The following NOX3 variants were observed in gnomAD, a reference collection of about 807,000 sequenced individuals.
The protein encoded by NOX3 is NADPH oxidase catalytic subunit-like 3.
In NOX3, 74 loss-of-function variants were observed where a neutral mutation model predicts 76.7. The ratio of observed to expected loss-of-function variants is 0.96; its 90% CI spans 0.80 to 1.17. The LOEUF is 1.17. Among genes scored for constraint, NOX3 ranks in the 50% most tolerant of loss-of-function variants. The probability of loss-of-function intolerance (pLI) is 0.00; values close to 1 mark genes in which losing one functional copy is unlikely to be tolerated. For missense variants in NOX3, 695 were observed against 703.3 expected (o/e 0.99, Z 0.13); for synonymous variants, 263 against 261.1 (o/e 1.01, Z -0.07).
intron 9 of NOX3, among the ~76,000 whole-genome samples, chr6:155,423,743 C>CT (rs528445827): frequency 0.022 from 2,973 of 137,468 alleles, 43 homozygotes; most frequent in Non-Finnish European, 0.027. Flanking sequence ...TTTTCTTTTT[C>CT]TTTTTTTTTT....
At chr6:155,419,418 C>T (rs1481133897) in intron 10 of NOX3, among the ~76,000 whole-genome samples, 1 of 152,152 alleles carries the variant, frequency 6.6e-6, no homozygotes, top group Non-Finnish European at 1.5e-5. Context: ...CAAATCATCT[C>T]CGCTCGAGGT....
At chr6:155,445,971 T>A (rs1416536589) in intron 4 of NOX3, among the ~76,000 whole-genome samples, 3 of 90,072 alleles carry the variant, frequency 3.3e-5, no homozygotes, top group Non-Finnish European at 6.3e-5. Context: ...ATATATATAA[T>A]ATATATATGC....
chr6:155,407,115 A>G lies in NOX3; in HGVS notation c.1580+15T>C, dbSNP rs1776474297. The G allele has an allele frequency of 6.2e-7, 1 of 1,613,588 alleles. No homozygotes were observed. The highest frequency in any genetic ancestry group is 8.5e-7 in the Non-Finnish European group (1 of 1,179,748). ...AGAAGAGCCTGGCAGGGAGAGGAGC[A>G]AGAGCTTGCCTTACCTGGGGTGATT... On this transcript the variant is annotated intron_variant, in intron 12 of 13. Transcript: ENST00000159060.
chr6:155,442,263 CA>C (rs529267466), intron 5 of NOX3, among the ~76,000 whole-genome samples: 5 of 150,512 alleles, frequency 3.3e-5, no homozygotes, highest in East Asian at 3.9e-4. Context: ...GACTCTGTCT[CA>C]AAAAAAATAA....
At chr6:155,400,965 G>A (rs948886223) in intron 12 of NOX3, among the ~76,000 whole-genome samples, 1 of 152,130 alleles carries the variant, frequency 6.6e-6, no homozygotes, top group African/African-American at 2.4e-5. Flanking sequence ...TGGTCAAATG[G>A]GGAAGAAAAA....
At position 155,413,621 on chromosome 6, in the gene NOX3, A is replaced by T. The variant is rs537667439; in HGVS notation, c.1309-2261T>A. Among the ~76,000 whole-genome samples the T allele has an allele frequency of 3.3e-5, 5 of 152,246 alleles. No individual in the cohort carries two copies. The East Asian group carries it at 7.7e-4, about 24-fold the overall frequency. ...TTTCGCTTTGTATTGTGCCTAATCT[A>T]AATTACTCTTTGAAAACCTTAGCTT... On this transcript the variant is annotated intron_variant, in intron 10 of 13. Coordinates refer to ENST00000159060, the MANE Select transcript of NOX3 (RefSeq NM_015718.3).
chr6:155,431,096 C>A (rs1032587812), intron 7 of NOX3, among the ~76,000 whole-genome samples, 161 bp from the exon 8 acceptor site: 5 of 152,112 alleles, frequency 3.3e-5, no homozygotes, highest in African/African-American at 1.2e-4. Context: ...GTATTATATA[C>A]TATAACATTC....
chr6:155,436,417 C>T lies in NOX3; in HGVS notation c.798+1G>A, dbSNP rs1776903864. Reference sequence around the variant, plus strand: ...TTAAAAGCTCCTGGGTTCATTCTTACCGAGGGTTCCTTGCCAGAAAATTGA... The same window carrying T: ...TTAAAAGCTCCTGGGTTCATTCTTATCGAGGGTTCCTTGCCAGAAAATTGA... On this transcript the variant is annotated splice_donor_variant, in intron 7 of 13. Transcript: ENST00000159060. LOFTEE classifies it high-confidence loss of function. The T allele has an allele frequency of 6.2e-7, 1 of 1,613,844 alleles. No homozygotes were observed. The highest frequency in any genetic ancestry group is 8.5e-7 in the Non-Finnish European group (1 of 1,179,928).
intron 11 of NOX3, among the ~76,000 whole-genome samples, chr6:155,408,983 G>A (rs1430277968): frequency 2.6e-5 from 4 of 152,204 alleles, no homozygotes; most frequent in African/African-American, 7.2e-5. Context: ...AGTGAGGGTT[G>A]ACAAAGAACC....
At chr6:155,455,615 T>C in intron 1 of NOX3, 138 bp downstream of exon 1, 1 of 600,770 alleles carries the variant, frequency 1.7e-6, no homozygotes, top group East Asian at 2.8e-5. Context: ...ATACATCTAC[T>C]GAATGTTTTC....
rs138459394 is a variant in NOX3 at position 155,427,805 on chromosome 6, G to A, written c.1145+989C>T. On this transcript the variant is annotated intron_variant, in intron 9 of 13. Coordinates refer to ENST00000159060, the MANE Select transcript of NOX3 (RefSeq NM_015718.3). ...CTGTATGAACAGTGGGAATTGACCC[G>A]AAGCCATTGTTTACTGAACAGAGCT... 6.8e-4 allele frequency among the ~76,000 whole-genome samples: 104 copies of A among 152,232 alleles called. 1 individual carries two copies. The highest frequency in any genetic ancestry group is 2.5e-3 in the African/African-American group (103 of 41,544).
intron 10 of NOX3, among the ~76,000 whole-genome samples, chr6:155,419,456 C>T (rs1044067312): frequency 2.0e-5 from 3 of 152,272 alleles, no homozygotes; most frequent in Admixed American, 1.3e-4. Context: ...TGGTCCTATG[C>T]AAAGCTAGGA....
At chr6:155,396,691 G>T in intron 13 of NOX3, 118 bp downstream of exon 13, 3 of 668,428 alleles carry the variant, frequency 4.5e-6, no homozygotes, top group Non-Finnish European at 7.0e-6. Context: ...CTTTACAATG[G>T]CAGAGTTCAG....
At chr6:155,422,477 T>C (rs6557419) in intron 10 of NOX3, among the ~76,000 whole-genome samples, 2,340 of 152,304 alleles carry the variant, frequency 0.015, 57 homozygotes, top group African/African-American at 0.054. Context: ...AATGAAGCAA[T>C]AAAATTTATG....
At chr6:155,408,013 G>A (rs138933206) in intron 11 of NOX3, among the ~76,000 whole-genome samples, 47 of 152,236 alleles carry the variant, frequency 3.1e-4, no homozygotes, top group African/African-American at 1.1e-3. Flanking sequence ...GAGCCTTGCT[G>A]TGTCACCCAG....
chr6:155,416,782 G>A (rs1315320216), intron 10 of NOX3, among the ~76,000 whole-genome samples: 5 of 123,816 alleles, frequency 4.0e-5, no homozygotes, highest in East Asian at 2.3e-4. Context: ...ACGGAGTCTC[G>A]CGCTATCCTC....
rs1387433562 is a variant in NOX3 at position 155,429,057 on chromosome 6, A to C, written c.892-10T>G. 3.2e-6 allele frequency: 5 copies of C among 1,544,782 alleles called. No homozygotes were observed. Among genetic ancestry groups the C allele is most frequent in the Non-Finnish European group, 4.4e-6 (5 of 1,139,010 alleles). On this transcript the variant is annotated splice_polypyrimidine_tract_variant and intron_variant, in intron 8 of 13. Transcript: ENST00000159060. ...AGGGGTGGCTTACCACCTATGTGAG[A>C]GTGAGAGAGTTGTTTGCCTTTGTCC...
Position 155,436,537 on chromosome 6 carries a change from G to T in NOX3, c.679C>A (p.Arg227=). ...GAGAGACTGTCTTGGGTTTGGCCTC[G>T]AACAATCCGACTTGTTATTTAAGAA... is the stretch of plus-strand genomic sequence containing the variant. ...LAIHGTGRIV[R]GQTQDSLSLH... is the part of the protein sequence containing the mutation. The change falls in exon 7 of 14, where the codon CGA becomes AGA. Residue 227 remains arginine, a synonymous_variant. Transcript: ENST00000159060. 6.2e-7 allele frequency: 1 copy of T among 1,612,282 alleles called. No individual in the cohort carries two copies. Among genetic ancestry groups the T allele is most frequent in the Non-Finnish European group, 8.5e-7 (1 of 1,179,618 alleles).
chr6:155,436,006 C>A (rs1161769337), intron 7 of NOX3, among the ~76,000 whole-genome samples: 2 of 152,162 alleles, frequency 1.3e-5, no homozygotes, highest in Non-Finnish European at 2.9e-5. Flanking sequence ...AAGCCCTGAG[C>A]CTCATTTGGC....
Sources: gnomAD v4.1 joint callset for allele counts (sites outside exome capture counted in the v4.1 genomes callset) on GRCh38, gnomAD v4.1.1 for gene constraint, MANE v1.5 for transcripts, NCBI Gene and HGNC (gene_info 2026-07-23, HGNC 2026-07-21) for gene names.